The following EGFL6 variants were observed in gnomAD, a reference collection of about 807,000 sequenced individuals.
The protein encoded by EGFL6 is epidermal growth factor-like protein 6.
A neutral mutation model predicts 43.1 loss-of-function variants in EGFL6; 42 were observed. That is an observed-to-expected ratio of 0.98 (90% CI 0.76 to 1.26). The LOEUF (loss-of-function observed/expected upper bound fraction) is 1.26, where lower values mean the gene tolerates loss of function less well. Among genes scored for constraint, EGFL6 ranks in the 50% most tolerant of loss-of-function variants. The pLI is 0.00. For missense variants in EGFL6, 429 were observed against 427.8 expected, an observed-to-expected ratio of 1.00 and a Z score of -0.02; for synonymous variants, 164 against 163.2, an observed-to-expected ratio of 1.01 and a Z score of -0.04.
At chrX:13,627,424 T>C in intron 11 of EGFL6, 148 bp downstream of exon 11, 3 of 753,343 alleles carry the variant, frequency 4.0e-6, no homozygotes, top group Non-Finnish European at 5.6e-6. Context: ...GTTCTGGAGC[T>C]GAATAGGCAA....
rs774648370 is a variant in EGFL6 at position 13,623,892 on chromosome X, G to A, written c.1252G>A (p.Asp418Asn). ...TGACTGGAAACAGGATAGAGAAGAT[G>A]ATTTTGACTGGAATCCTGCTGATCG... ...ICDWKQDRED[D>N]FDWNPADRDN... Residue 418 changes from aspartate to asparagine, a missense_variant, in exon 10 of 12, where the codon GAT becomes AAT. Physicochemically the swap from Asp to Asn is conservative, Grantham distance 23. Transcript: ENST00000361306. 8.3e-7 allele frequency: 1 copy of A among 1,205,581 alleles called. No homozygotes were observed. Among genetic ancestry groups the A allele is most frequent in the Admixed American group, 2.2e-5 (1 of 45,999 alleles).
chrX:13,589,591 A>C lies in EGFL6; in HGVS notation c.110A>C (p.Gln37Pro). 2.5e-6 allele frequency: 3 copies of C among 1,211,503 alleles called. No individual in the cohort carries two copies. Among genetic ancestry groups the C allele is most frequent in the Non-Finnish European group, 3.4e-6 (3 of 895,314 alleles). ...RHHGLLASAR[Q>P]PGVCHYGTKL... is the part of the protein sequence containing the mutation. The stretch of plus-strand genomic sequence containing the variant: ...CACGGGTTGTTAGCATCGGCACGTC[A>C]GCCTGGGGTCTGTCACTATGGAACT... The change falls in exon 2 of 12, where the codon CAG (glutamine) becomes CCG (proline). Residue 37 changes from glutamine (Q) to proline (P), a missense_variant. Transcript: ENST00000361306.
At chrX:13,594,790 A>G (rs761766771) in intron 2 of EGFL6, 46 bp from the exon 3 acceptor site, 2 of 1,156,425 alleles carry the variant, frequency 1.7e-6, no homozygotes, top group Non-Finnish European at 2.4e-6. Flanking sequence ...ATTTCACTAC[A>G]CTAACTACTG....
intron 9 of EGFL6, 65 bp from the exon 10 acceptor site, chrX:13,623,759 C>A: frequency 9.6e-6 from 9 of 941,016 alleles, no homozygotes; most frequent in Non-Finnish European, 1.4e-5. Flanking sequence ...CTTCCAAAGC[C>A]CCAAATGTTA....
chrX:13,597,157 A>T (rs1220618564), intron 3 of EGFL6, among the ~76,000 whole-genome samples: 1 of 112,336 alleles, frequency 8.9e-6, no homozygotes, highest in Non-Finnish European at 1.9e-5. Flanking sequence ...AACGGAAGTT[A>T]AGAAACCCTG....
rs369988650 is a variant in EGFL6 at position 13,621,837 on chromosome X, T to C, written c.1184-1987T>C. On this transcript the variant is annotated intron_variant, in intron 9 of 11. Coordinates refer to ENST00000361306, the MANE Select transcript of EGFL6 (RefSeq NM_015507.4). ...GGTGTGGATTAAACCAGAGAATATA[T>C]GTGAAAGCACTTTCCAAACCATGAA... Among the ~76,000 whole-genome samples the C allele has an allele frequency of 4.1e-4, 46 of 112,628 alleles. No homozygotes were observed. In the South Asian group the frequency reaches 0.017, roughly 42 times the overall value.
chrX:13,574,158 T>C (rs1046118774), intron 1 of EGFL6, among the ~76,000 whole-genome samples: 1 of 112,192 alleles, frequency 8.9e-6, no homozygotes, highest in Non-Finnish European at 1.9e-5. Flanking sequence ...TAGTTATCCC[T>C]TGTGAAGACA....
chrX:13,598,178 G>A (rs747842422), intron 3 of EGFL6, among the ~76,000 whole-genome samples: 3 of 112,180 alleles, frequency 2.7e-5, no homozygotes, highest in South Asian at 3.7e-4. Flanking sequence ...TGGGTTTCCC[G>A]TTATGTCCAA....
intron 2 of EGFL6, among the ~76,000 whole-genome samples, chrX:13,591,447 C>G (rs944925018): frequency 7.2e-5 from 8 of 111,810 alleles, no homozygotes; most frequent in Non-Finnish European, 1.9e-5. Flanking sequence ...GTCAGCACAC[C>G]TACTGCTCCA....
chrX:13,587,201 C>T (rs970470820), intron 1 of EGFL6, among the ~76,000 whole-genome samples: 1 of 112,000 alleles, frequency 8.9e-6, no homozygotes, highest in East Asian at 2.8e-4. Context: ...GAAGTGTATA[C>T]TTTAAGAGGG....
At chrX:13,608,171 T>C (rs1036408200) in intron 6 of EGFL6, among the ~76,000 whole-genome samples, 153 bp from the exon 7 acceptor site, 4 of 111,613 alleles carry the variant, frequency 3.6e-5, no homozygotes, top group African/African-American at 1.3e-4. Context: ...TGCTGGCCAA[T>C]GAGCCTGCAG....
At chrX:13,597,149 C>T (rs150031010) in intron 3 of EGFL6, among the ~76,000 whole-genome samples, 211 of 112,210 alleles carry the variant, frequency 1.9e-3, no homozygotes, top group African/African-American at 6.4e-3. Context: ...TTTGTGTCAA[C>T]GGAAGTTAAG....
At chrX:13,619,829 G>T (rs2045740320) in intron 9 of EGFL6, among the ~76,000 whole-genome samples, 1 of 111,429 alleles carries the variant, frequency 9.0e-6, no homozygotes, top group South Asian at 3.8e-4. Context: ...TTTCTTACAT[G>T]CCTGAGGCCT....
rs144346482 is a variant in EGFL6, at chrX:13,606,419, C to T, written c.561C>T (p.Tyr187=). ...CCTCTGGTAAAGTCATCTGTCCCTA[C>T]AATCGAAGATGTGTGAACACATTTG... ...ECASGKVICP[Y]NRRCVNTFGS... Residue 187 remains tyrosine, a synonymous_variant, in exon 6 of 12, where the codon TAC becomes TAT. Coordinates refer to ENST00000361306, the MANE Select transcript of EGFL6 (RefSeq NM_015507.4). 202 of 1,209,530 alleles carry T rather than the reference C, an allele frequency of 1.7e-4. No individual in the cohort carries two copies. The African/African-American group carries it at 3.2e-3, about 19-fold the overall frequency.
chrX:13,597,777 C>T (rs1376490335), intron 3 of EGFL6, among the ~76,000 whole-genome samples: 1 of 106,095 alleles, frequency 9.4e-6, no homozygotes, highest in African/African-American at 3.6e-5. Flanking sequence ...GAGCGAGACT[C>T]CATCTCAGAA....
intron 1 of EGFL6, among the ~76,000 whole-genome samples, chrX:13,585,107 C>G (rs1469146432): frequency 9.0e-6 from 1 of 111,681 alleles, no homozygotes; most frequent in Non-Finnish European, 1.9e-5. Flanking sequence ...AAACCCAAAG[C>G]CCTAACTTGA....
intron 4 of EGFL6, among the ~76,000 whole-genome samples, chrX:13,601,700 TA>T (rs766068953): frequency 8.9e-6 from 1 of 112,039 alleles, no homozygotes; most frequent in South Asian, 3.7e-4. Context: ...AGGGCCTTTT[TA>T]AAAAATCCTT....
rs1201448753 is a variant in EGFL6, at chrX:13,622,078, A to G, written c.1184-1746A>G. 2.7e-5 allele frequency among the ~76,000 whole-genome samples: 3 copies of G among 112,733 alleles called. No individual in the cohort carries two copies. In the East Asian group the frequency reaches 8.3e-4, roughly 31 times the overall value. ...TATTTGTGGGATAATAACATCAACT[A>G]TCTAACTAGTATTAGCACTCATTGA... On this transcript the variant is annotated intron_variant, in intron 9 of 11. Transcript: ENST00000361306.
chrX:13,595,995 A>G (rs1188457472), intron 3 of EGFL6, among the ~76,000 whole-genome samples: 1 of 111,347 alleles, frequency 9.0e-6, no homozygotes, highest in East Asian at 2.8e-4. Flanking sequence ...GCTGGAATTA[A>G]AGGCTTAGCC....
Sources: allele counts gnomAD v4.1 joint callset (sites outside exome capture counted in the v4.1 genomes callset), GRCh38; gene constraint gnomAD v4.1.1; transcripts MANE v1.5; gene names NCBI Gene and HGNC (gene_info 2026-07-23, HGNC 2026-07-21).